TATDN2: variants seen among roughly 807,000 people sequenced by gnomAD.
TATDN2 encodes the protein 3'-5' RNA nuclease TATDN2.
In TATDN2, 44 loss-of-function variants were observed where a neutral mutation model predicts 60.3. The ratio of observed to expected loss-of-function variants is 0.73; its 90% confidence interval spans 0.57 to 0.94. The LOEUF is 0.94. Among genes scored for constraint, TATDN2 ranks in the 40% least tolerant of loss-of-function variants. TATDN2 has a pLI of 0.00. For missense variants in TATDN2, 997 were observed against 948.0 expected (o/e 1.05, Z -0.68); for synonymous variants, 399 against 355.8 (o/e 1.12, Z -1.37).
At position 10,269,862 on chromosome 3, in the gene TATDN2, C is replaced by A. The variant is rs1022975874; in HGVS notation, c.949-269C>A. ...TCAAGAGAAAGGGATGCAGGTAGAG[C>A]ACCACCTTTAGGAGTAGCATGATGA... On this transcript the variant is annotated intron_variant, in intron 3 of 7. Transcript: ENST00000448281. Among the ~76,000 whole-genome samples, 5 of 152,196 alleles carry A rather than the reference C, an allele frequency of 3.3e-5. 1 individual carries two copies. The highest frequency in any genetic ancestry group is 1.3e-4 in the Admixed American group (2 of 15,280).
chr3:10,258,995 G>A (rs754682315), intron 2 of TATDN2, among the ~76,000 whole-genome samples: 6 of 152,152 alleles, frequency 3.9e-5, no homozygotes, highest in East Asian at 1.9e-4. Flanking sequence ...TTAGCCTCCC[G>A]TGTAGCTGGG....
chr3:10,249,673 G>T (rs986897701), intron 2 of TATDN2, 59 bp downstream of exon 2: 1 of 1,468,000 alleles, frequency 6.8e-7, no homozygotes, highest in African/African-American at 1.4e-5. Context: ...TTGAGAGGTT[G>T]GGGATGGGAA....
intron 2 of TATDN2, among the ~76,000 whole-genome samples, chr3:10,250,164 G>T (rs1222826973): frequency 1.4e-5 from 2 of 138,702 alleles, no homozygotes; most frequent in African/African-American, 5.7e-5. Flanking sequence ...GCTTGGTGGT[G>T]CTAGTTTTTT....
intron 4 of TATDN2, 94 bp from the exon 5 acceptor site, chr3:10,276,267 A>T: frequency 6.8e-7 from 1 of 1,475,828 alleles, no homozygotes. Flanking sequence ...AAAAAGAGAG[A>T]CACAGGGGGT....
chr3:10,258,793 C>T (rs1698355274), intron 2 of TATDN2, among the ~76,000 whole-genome samples: 1 of 152,042 alleles, frequency 6.6e-6, no homozygotes, highest in Admixed American at 6.6e-5. Context: ...TTTCTACTTC[C>T]CTGCATTCCC....
Position 10,256,995 on chromosome 3 carries a change from TTTATTA to T in TATDN2, c.415-3138_415-3133del, listed in dbSNP as rs545440081. Reference sequence around the variant, plus strand: ...AGGGCAGGCCCTGGGAGTCATCAAATTTATTATTAGTATTAGAGGCCAGGCACGGTG... The same window carrying T: ...AGGGCAGGCCCTGGGAGTCATCAAATTTAGTATTAGAGGCCAGGCACGGTG... On this transcript the variant is annotated intron_variant, in intron 2 of 7. Coordinates refer to ENST00000448281, the MANE Select transcript of TATDN2 (RefSeq NM_014760.4). 9.6e-4 allele frequency among the ~76,000 whole-genome samples: 146 copies of T among 151,968 alleles called. 2 individuals carry two copies. The highest frequency in any genetic ancestry group is 3.2e-3 in the African/African-American group (132 of 41,464).
At chr3:10,269,458 C>T (rs1361724108) in intron 3 of TATDN2, among the ~76,000 whole-genome samples, 2 of 152,170 alleles carry the variant, frequency 1.3e-5, no homozygotes, top group African/African-American at 4.8e-5. Flanking sequence ...CCTGTAATTT[C>T]AGCATTTTGG....
intron 2 of TATDN2, among the ~76,000 whole-genome samples, chr3:10,250,358 C>CTT: frequency 6.6e-6 from 1 of 151,916 alleles, no homozygotes; most frequent in Admixed American, 6.6e-5. Flanking sequence ...AGGCAATGTT[C>CTT]TAGGTGTTTG....
At chr3:10,271,143 T>C in intron 4 of TATDN2, 128 bp downstream of exon 4, 6 of 1,231,480 alleles carry the variant, frequency 4.9e-6, no homozygotes, top group Non-Finnish European at 6.6e-6. Flanking sequence ...GTGTGCTTGC[T>C]CTCATCCAGA....
rs1260985464 is a variant in TATDN2, at chr3:10,270,985, G to A, written c.1803G>A (p.Lys601=). 1.9e-6 allele frequency: 3 copies of A among 1,605,644 alleles called. No homozygotes were observed. Among genetic ancestry groups the A allele is most frequent in the Non-Finnish European group, 2.5e-6 (3 of 1,176,540 alleles). Residue 601 remains lysine (K), a synonymous_variant, in exon 4 of 8, where the codon AAG becomes AAA. Transcript: ENST00000448281. ...AAATGGGCTTGGATTACTCTTACAA[G>A]TGCACCACGCCTGTCCCAGAACAGC... is the stretch of plus-strand genomic sequence containing the variant. ...FGEMGLDYSY[K]CTTPVPEQHK...
chr3:10,258,920 A>C (rs975126419), intron 2 of TATDN2, among the ~76,000 whole-genome samples: 1 of 151,772 alleles, frequency 6.6e-6, no homozygotes, highest in African/African-American at 2.4e-5. Flanking sequence ...CCTAGGCTGG[A>C]GTGCAGTGGT....
Position 10,249,448 on chromosome 3 carries a change from C to T in TATDN2, c.248C>T (p.Ser83Phe), listed in dbSNP as rs887967257. 1.9e-6 allele frequency: 3 copies of T among 1,613,938 alleles called. No homozygotes were observed. Among genetic ancestry groups the T allele is most frequent in the Admixed American group, 1.7e-5 (1 of 60,018 alleles). The change falls in exon 2 of 8, where the codon TCC (serine) becomes TTC (phenylalanine). Residue 83 changes from serine to phenylalanine, a missense_variant. By Grantham distance (155) the Ser-to-Phe change is radical (BLOSUM62 -2). Transcript: ENST00000448281. ...CGCCGCAGAAATAACTCCTCCTCCTCCTTCTCCCCACATTTCTTGGGCCCT... is the reference window on the plus strand; with the variant it reads ...CGCCGCAGAAATAACTCCTCCTCCTTCTTCTCCCCACATTTCTTGGGCCCT... ...SSRRRNNSSS[S>F]FSPHFLGPGV... is the part of the protein sequence containing the mutation.
rs759371126 is a variant in TATDN2 at position 10,271,035 on chromosome 3, T to C, written c.1833+20T>C. On this transcript the variant is annotated intron_variant, in intron 4 of 7. Transcript: ENST00000448281. ...CACAAGGTAACAAGGCTCTCTTTAG[T>C]CTGCTTATAGTTTTAATTTTTCTTT... The C allele has an allele frequency of 6.6e-7, 1 of 1,522,944 alleles. No homozygotes were observed. Among genetic ancestry groups the C allele is most frequent in the Non-Finnish European group, 8.8e-7 (1 of 1,142,706 alleles). 94.3% of individuals were successfully genotyped at this position (1,522,944 alleles called of 1,614,324 possible).
Position 10,248,561 on chromosome 3 carries a change from T to G in TATDN2, c.-513T>G, listed in dbSNP as rs1047584078. 2.6e-5 allele frequency: 4 copies of G among 151,724 alleles called. No homozygotes were observed. The highest frequency in any genetic ancestry group is 9.7e-5 in the African/African-American group (4 of 41,282). The allele number at this position is 151,724 out of a possible 1,614,324, so 9.4% of individuals were successfully genotyped here. On this transcript the variant is annotated 5_prime_UTR_variant, in exon 1 of 8. Coordinates refer to ENST00000448281, the MANE Select transcript of TATDN2 (RefSeq NM_014760.4). ...GCGGAGGCCGGGCCAGGCGGGGCTG[T>G]AGGGCTGGGGCAGGCGGCGGGCTGC...
chr3:10,264,963 A>C (rs2619502), intron 3 of TATDN2, among the ~76,000 whole-genome samples: 1 of 141,662 alleles, frequency 7.1e-6, no homozygotes, highest in South Asian at 2.2e-4. Flanking sequence ...GGCGTGAGCC[A>C]CCGCGCCTGG....
At chr3:10,258,792 C>A (rs909095754) in intron 2 of TATDN2, among the ~76,000 whole-genome samples, 1 of 151,980 alleles carries the variant, frequency 6.6e-6, no homozygotes, top group African/African-American at 2.4e-5. Flanking sequence ...CTTTCTACTT[C>A]CCTGCATTCC....
chr3:10,249,254 G>T lies in TATDN2; in HGVS notation c.54G>T (p.Gly18=). 1 of 1,568,976 alleles carries T rather than the reference G, an allele frequency of 6.4e-7. No individual in the cohort carries two copies. The highest frequency in any genetic ancestry group is 8.6e-7 in the Non-Finnish European group (1 of 1,156,166). The change falls in exon 2 of 8, where the codon GGG becomes GGT. Residue 18 remains glycine (G), a synonymous_variant. Coordinates refer to ENST00000448281, the MANE Select transcript of TATDN2 (RefSeq NM_014760.4). ...VKHNWSSTSE[G]CPRKRSCLRE... The stretch of plus-strand genomic sequence containing the variant: ...ACAACTGGAGCAGCACGTCGGAAGG[G>T]TGTCCCCGCAAGCGCAGCTGCCTCC...
chr3:10,258,901 A>C (rs1358657377), intron 2 of TATDN2, among the ~76,000 whole-genome samples: 1 of 151,340 alleles, frequency 6.6e-6, no homozygotes, highest in Non-Finnish European at 1.5e-5. Flanking sequence ...ATAGGGTCTC[A>C]CTGTATTGCC....
intron 4 of TATDN2, among the ~76,000 whole-genome samples, chr3:10,272,172 A>G (rs1698576360): frequency 6.6e-6 from 1 of 151,490 alleles, no homozygotes; most frequent in Non-Finnish European, 1.5e-5. Context: ...TGGTGCAGCC[A>G]CAGCTCACTG....
Sources: gnomAD v4.1 joint callset for allele counts (sites outside exome capture counted in the v4.1 genomes callset) on GRCh38, gnomAD v4.1.1 for gene constraint, MANE v1.5 for transcripts, NCBI Gene and HGNC (gene_info 2026-07-23, HGNC 2026-07-21) for gene names.